Variants in PRDM4 observed in about 807,000 individuals in gnomAD.
PRDM4 encodes the protein PR domain zinc finger protein 4.
In PRDM4, 38 loss-of-function variants were observed where a neutral mutation model predicts 62.3. The observed-to-expected ratio is 0.61, with a 90% CI of 0.47 to 0.80. The LOEUF is 0.80. Among genes scored for constraint, PRDM4 ranks in the 30% least tolerant of loss-of-function variants. PRDM4 has a pLI of 0.00. For missense variants in PRDM4, 858 were observed against 997.1 expected (o/e 0.86, Z 1.88); for synonymous variants, 339 against 348.2 (o/e 0.97, Z 0.30).
Position 107,760,662 on chromosome 12 carries a change from G to T in PRDM4, c.-147C>A. ...CTCGTCCCCGGGGTCGCCCGGGGCC[G>T]CCCAACTTCTCCCGAGGGCCGGTGG... On this transcript the variant is annotated 5_prime_UTR_variant, in exon 2 of 12. Transcript: ENST00000228437. 3 of 968,508 alleles carry T rather than the reference G, an allele frequency of 3.1e-6. No homozygotes were observed. The highest frequency in any genetic ancestry group is 1.7e-5 in the African/African-American group (1 of 59,050). 60.0% of individuals were successfully genotyped at this position (968,508 alleles called of 1,614,324 possible). A position where few individuals can be genotyped will look rare whatever the true frequency, so the allele number is the denominator to read the frequency against.
intron 5 of PRDM4, 48 bp from the exon 6 acceptor site, chr12:107,746,472 G>T (rs751767270): frequency 6.9e-7 from 1 of 1,445,460 alleles, no homozygotes; most frequent in South Asian, 1.3e-5. Context: ...GTTCAAGCAG[G>T]CTAAATTACC....
intron 2 of PRDM4, among the ~76,000 whole-genome samples, chr12:107,758,695 T>C (rs1178940079): frequency 1.3e-5 from 2 of 152,250 alleles, no homozygotes; most frequent in Admixed American, 6.5e-5. Flanking sequence ...CTACTTATAT[T>C]GTGGCGTATA....
rs138743926 is a variant in PRDM4 at position 107,748,859 on chromosome 12, A to G, written c.1127-2435T>C. 6.2e-3 allele frequency among the ~76,000 whole-genome samples: 943 copies of G among 152,342 alleles called. 8 individuals are homozygous for G. The highest frequency in any genetic ancestry group is 0.021 in the African/African-American group (878 of 41,576). On this transcript the variant is annotated intron_variant, in intron 5 of 11. Coordinates refer to ENST00000228437, the MANE Select transcript of PRDM4 (RefSeq NM_012406.4). ...ATTATAAACCACACACACTTAGAAG[A>G]GGTTCCATTTGCCCTCTTAAGAAAA...
chr12:107,755,180 C>T (rs571671367), intron 3 of PRDM4, among the ~76,000 whole-genome samples: 1 of 152,248 alleles, frequency 6.6e-6, no homozygotes, highest in South Asian at 2.1e-4. Context: ...GCTTTCCTGG[C>T]TCAAGTGGCC....
At chr12:107,746,473 C>A in intron 5 of PRDM4, 49 bp from the exon 6 acceptor site, 1 of 1,431,690 alleles carries the variant, frequency 7.0e-7, no homozygotes, top group South Asian at 1.4e-5. Context: ...TTCAAGCAGG[C>A]TAAATTACCA....
At chr12:107,746,203 A>T in intron 6 of PRDM4, 72 bp downstream of exon 6, 1 of 1,547,562 alleles carries the variant, frequency 6.5e-7, no homozygotes, top group Middle Eastern at 1.7e-4. Context: ...AATTATACAC[A>T]TCCACTTTTA....
chr12:107,740,699 C>T (rs1384231310), intron 10 of PRDM4, among the ~76,000 whole-genome samples: 2 of 152,096 alleles, frequency 1.3e-5, no homozygotes, highest in East Asian at 3.9e-4. Flanking sequence ...AGACCAAACA[C>T]ATTGATCAAC....
At position 107,757,630 on chromosome 12, in the gene PRDM4, A is replaced by G. The variant is rs1329718460; in HGVS notation, c.12-665T>C. Among the ~76,000 whole-genome samples, 4 of 152,226 alleles carry G rather than the reference A, an allele frequency of 2.6e-5. No homozygotes were observed. The East Asian group carries it at 7.7e-4, about 29-fold the overall frequency. On this transcript the variant is annotated intron_variant, in intron 2 of 11. Coordinates refer to ENST00000228437, the MANE Select transcript of PRDM4 (RefSeq NM_012406.4). ...GAGGGAACTATGGCTCAGAGAGGCC[A>G]TGTCATATGCCCCAAATCACATAGC...
chr12:107,749,423 A>T (rs1356541207), intron 5 of PRDM4, among the ~76,000 whole-genome samples: 2 of 140,882 alleles, frequency 1.4e-5, no homozygotes, highest in African/African-American at 5.3e-5. Context: ...TTCCTGAGAC[A>T]GGGTTTCACT....
In PRDM4 at chr12:107,734,291, TA is replaced by T; in HGVS notation, c.2324del (p.Leu775GlnfsTer46). The T allele has an allele frequency of 6.2e-7, 1 of 1,614,208 alleles. No individual in the cohort carries two copies. Among genetic ancestry groups the T allele is most frequent in the South Asian group, 1.1e-5 (1 of 91,082 alleles). On this transcript the variant is annotated frameshift_variant, in exon 12 of 12. Transcript: ENST00000228437. LOFTEE classifies it high-confidence loss of function. The part of the protein sequence containing the change: ...EEEDDSEEED[L>X]ADSVGTEDCR... Reference sequence around the variant, plus strand: ...AGTCTTCTGTCCCCACAGAGTCTGCTAGATCTTCCTCTTCTGAGTCATCCTC... The same window carrying T: ...AGTCTTCTGTCCCCACAGAGTCTGCTGATCTTCCTCTTCTGAGTCATCCTC...
At chr12:107,742,394 C>T (rs752152688) in intron 8 of PRDM4, 46 bp from the exon 9 acceptor site, 29 of 1,596,988 alleles carry the variant, frequency 1.8e-5, no homozygotes, top group Non-Finnish European at 2.5e-5. Context: ...TTTTGAAATG[C>T]ATACTAAGTA....
chr12:107,739,356 C>T (rs201565443), intron 11 of PRDM4, 27 bp downstream of exon 11: 23 of 1,604,736 alleles, frequency 1.4e-5, no homozygotes, highest in Admixed American at 6.7e-5. Flanking sequence ...ACCTGAGGAA[C>T]GACGTCTTGG....
intron 11 of PRDM4, among the ~76,000 whole-genome samples, chr12:107,738,753 T>C (rs1890415030): frequency 6.6e-6 from 1 of 152,226 alleles, no homozygotes; most frequent in African/African-American, 2.4e-5. Flanking sequence ...TATGTCACTA[T>C]GACACTCCTT....
At position 107,751,485 on chromosome 12, in the gene PRDM4, A is replaced by G; in HGVS notation, c.1056T>C (p.Phe352=). Residue 352 remains phenylalanine, a synonymous_variant, in exon 5 of 12, where the codon TTT becomes TTC. Coordinates refer to ENST00000228437, the MANE Select transcript of PRDM4 (RefSeq NM_012406.4). ...HVDVSSDSLS[F]VSPSLQMEDS... ...CTTCCATTTGCAGTGAAGGTGATAC[A>G]AAAGAAAGACTGTCTGAAGATACAT... 6.2e-7 allele frequency: 1 copy of G among 1,614,112 alleles called. No individual in the cohort carries two copies. Among genetic ancestry groups the G allele is most frequent in the Non-Finnish European group, 8.5e-7 (1 of 1,179,940 alleles).
chr12:107,743,757 C>T (rs1861678), intron 7 of PRDM4, among the ~76,000 whole-genome samples: 44,681 of 152,124 alleles, frequency 0.29, 8,235 homozygotes, highest in Middle Eastern at 0.43. Flanking sequence ...ACTTCAATTT[C>T]GCAAGCATCA....
intron 10 of PRDM4, among the ~76,000 whole-genome samples, chr12:107,739,839 A>C (rs1245477230): frequency 2.0e-5 from 3 of 151,374 alleles, no homozygotes; most frequent in East Asian, 3.9e-4. Context: ...AAAATGACTT[A>C]TAATCCTAAT....
rs757764229 is a variant in PRDM4, at chr12:107,751,556, C to G, written c.985G>C (p.Val329Leu). ...GCAACCTCCTGGGTGATGGAGGAGA[C>G]AGCCACAGGTTCTAGGCTGAGGCCA... ...EVGLSLEPVA[V>L]SSITQEVAMG... The change falls in exon 5 of 12, where the codon GTC (valine) becomes CTC (leucine). Residue 329 changes from valine to leucine, a missense_variant. Coordinates refer to ENST00000228437, the MANE Select transcript of PRDM4 (RefSeq NM_012406.4). The G allele has an allele frequency of 1.7e-5, 27 of 1,612,660 alleles. No homozygotes were observed. The highest frequency in any genetic ancestry group is 6.8e-6 in the Non-Finnish European group (8 of 1,178,794).
chr12:107,758,140 A>G (rs1593178693), intron 2 of PRDM4: 2 of 152,144 alleles, frequency 1.3e-5, no homozygotes, highest in African/African-American at 4.8e-5. Flanking sequence ...CATTTTATCA[A>G]TCAACCTGAA....
At position 107,748,385 on chromosome 12, in the gene PRDM4, T is replaced by C. The variant is rs114894342; in HGVS notation, c.1127-1961A>G. Among the ~76,000 whole-genome samples the C allele has an allele frequency of 3.4e-3, 516 of 151,384 alleles. 4 individuals carry two copies. Among genetic ancestry groups the C allele is most frequent in the African/African-American group, 0.012 (491 of 41,230 alleles). On this transcript the variant is annotated intron_variant, in intron 5 of 11. Coordinates refer to ENST00000228437, the MANE Select transcript of PRDM4 (RefSeq NM_012406.4). Reference sequence around the variant, plus strand: ...TCACACAAAAACTTGTACATGAGAGTTCATAACAGCATTATTCATAGTAGC... The same window carrying C: ...TCACACAAAAACTTGTACATGAGAGCTCATAACAGCATTATTCATAGTAGC...
Sources: gnomAD v4.1 joint callset for allele counts (sites outside exome capture counted in the v4.1 genomes callset) on GRCh38, gnomAD v4.1.1 for gene constraint, MANE v1.5 for transcripts, NCBI Gene and HGNC (gene_info 2026-07-23, HGNC 2026-07-21) for gene names.